CMC1: variants seen among roughly 807,000 people sequenced by gnomAD.
The protein encoded by CMC1 is C-X9-C motif containing 1.
In CMC1, 14 loss-of-function variants were observed where a neutral mutation model predicts 14.1. The observed-to-expected ratio is 0.99, with a 90% CI of 0.66 to 1.55. The LOEUF (loss-of-function observed/expected upper bound fraction) is 1.55, where lower values mean the gene tolerates loss of function less well. CMC1 is among the 40% of genes most tolerant of loss of function. The pLI, the probability that CMC1 is intolerant of heterozygous loss-of-function variation, is 0.00. For synonymous variants in CMC1, 50 were observed against 38.4 expected (o/e 1.30, Z -1.12); for missense variants, 127 against 123.8 (o/e 1.03, Z -0.12).
intron 1 of CMC1, among the ~76,000 whole-genome samples, chr3:28,251,404 A>G (rs1482923780): frequency 1.3e-5 from 2 of 152,208 alleles, no homozygotes; most frequent in Non-Finnish European, 2.9e-5. Flanking sequence ...AAAGCTGTTC[A>G]TGAGACATCT....
At chr3:28,259,153 A>G (rs1306341482) in intron 1 of CMC1, among the ~76,000 whole-genome samples, 1 of 151,300 alleles carries the variant, frequency 6.6e-6, no homozygotes, top group African/African-American at 2.4e-5. Context: ...TTTTTTAATA[A>G]TATAATAATA....
intron 1 of CMC1, among the ~76,000 whole-genome samples, chr3:28,255,722 T>TACACACACACACACACACACACAC (rs372487968): frequency 1.4e-5 from 2 of 144,356 alleles, no homozygotes; most frequent in African/African-American, 2.6e-5. Context: ...TACATGTACA[T>TACACACACACACACACACACACAC]ACACACACAC....
chr3:28,293,501 A>T (rs1180051866), intron 2 of CMC1, among the ~76,000 whole-genome samples: 1 of 152,222 alleles, frequency 6.6e-6, no homozygotes, highest in Non-Finnish European at 1.5e-5. Flanking sequence ...GTAAGATATC[A>T]AGAAGATACT....
intron 2 of CMC1, among the ~76,000 whole-genome samples, chr3:28,295,073 G>A (rs1701671026): frequency 6.6e-6 from 1 of 152,118 alleles, no homozygotes; most frequent in South Asian, 2.1e-4. Context: ...TACCTTTAGT[G>A]AATAATGTTT....
At chr3:28,301,719 G>A (rs541002565) in intron 2 of CMC1, among the ~76,000 whole-genome samples, 1 of 152,044 alleles carries the variant, frequency 6.6e-6, no homozygotes, top group Non-Finnish European at 1.5e-5. Context: ...CTATAAAGTG[G>A]GTGACAAGGA....
At chr3:28,282,837 A>G (rs772048357) in intron 2 of CMC1, among the ~76,000 whole-genome samples, 50 of 152,342 alleles carry the variant, frequency 3.3e-4, no homozygotes, top group Non-Finnish European at 5.4e-4. Context: ...AATTCAAACC[A>G]GAACGAATTT....
At chr3:28,261,927 C>T (rs555182544) in intron 1 of CMC1, among the ~76,000 whole-genome samples, 30 of 152,114 alleles carry the variant, frequency 2.0e-4, no homozygotes, top group Non-Finnish European at 3.4e-4. Context: ...TAAGTGGACC[C>T]CCACAGTTCA....
intron 2 of CMC1, among the ~76,000 whole-genome samples, chr3:28,293,373 G>C (rs1701582094): frequency 6.6e-6 from 1 of 151,682 alleles, no homozygotes; most frequent in African/African-American, 2.4e-5. Context: ...AACTTTGGCA[G>C]AACTTGGTAA....
intron 1 of CMC1, among the ~76,000 whole-genome samples, chr3:28,243,084 G>A (rs1698616227): frequency 6.6e-6 from 1 of 151,906 alleles, no homozygotes; most frequent in African/African-American, 2.4e-5. Context: ...CTGAAACGGA[G>A]TCTCACTGTC....
intron 2 of CMC1, among the ~76,000 whole-genome samples, chr3:28,308,348 T>C (rs1410818194): frequency 6.6e-6 from 1 of 152,146 alleles, no homozygotes; most frequent in Non-Finnish European, 1.5e-5. Context: ...ATATAGTAAA[T>C]GTGATGTAAT....
At chr3:28,317,190 AC>A (rs1311989895) in intron 3 of CMC1, 1 of 151,888 alleles carries the variant, frequency 6.6e-6, no homozygotes, top group Admixed American at 6.6e-5. Context: ...GAACACCCGA[AC>A]CCTACATTTT....
In CMC1 at chr3:28,323,347, C is replaced by T. The variant is rs1577116023; in HGVS notation, c.*3718C>T. The T allele has an allele frequency of 6.8e-6, 1 of 146,842 alleles. No individual in the cohort carries two copies. The allele number at this position is 146,842 out of a possible 1,614,324, so 9.1% of individuals were successfully genotyped here. On this transcript the variant is annotated 3_prime_UTR_variant, in exon 4 of 4. Transcript: ENST00000466830. ...TTGTTTACACCCCAGAGTTTTTCAA[C>T]TATTTCATTTTTTTTTTTTTTTTTC... is the stretch of plus-strand genomic sequence containing the variant.
intron 2 of CMC1, among the ~76,000 whole-genome samples, chr3:28,274,606 G>A (rs1183120501): frequency 6.6e-6 from 1 of 151,912 alleles, no homozygotes; most frequent in Non-Finnish European, 1.5e-5. Context: ...TGATCTTCTT[G>A]TGGAGTATCT....
intron 1 of CMC1, among the ~76,000 whole-genome samples, chr3:28,252,807 G>A (rs1252501222): frequency 6.6e-6 from 1 of 152,156 alleles, no homozygotes; most frequent in African/African-American, 2.4e-5. Context: ...TTTCACCTCT[G>A]TGAGCCTCCA....
In CMC1 at chr3:28,316,655, A is replaced by T. The variant is rs1398151614; in HGVS notation, c.200+232A>T. 5.0e-5 allele frequency: 16 copies of T among 320,096 alleles called. No homozygotes were observed. The East Asian group carries it at 8.0e-4, about 16-fold the overall frequency. 19.8% of individuals were successfully genotyped at this position (320,096 alleles called of 1,614,324 possible). A position where few individuals can be genotyped will look rare whatever the true frequency, so the allele number is the denominator to read the frequency against. On this transcript the variant is annotated intron_variant, in intron 3 of 3. Transcript: ENST00000466830. ...TTAAAAAGATGAAGTCAGCAGACAA[A>T]AATATATGATTTTTCACTATTTAAT...
intron 3 of CMC1, 140 bp from the exon 4 acceptor site, chr3:28,319,369 A>G: frequency 1.3e-6 from 1 of 792,890 alleles, no homozygotes; most frequent in Admixed American, 1.9e-5. Context: ...TTAACAGTGA[A>G]TTTTTAACCA....
chr3:28,256,804 T>C (rs1347774684), intron 1 of CMC1, among the ~76,000 whole-genome samples: 4 of 152,184 alleles, frequency 2.6e-5, no homozygotes, highest in Non-Finnish European at 4.4e-5. Context: ...CTTAACCACT[T>C]TTCTAAAGGA....
intron 2 of CMC1, among the ~76,000 whole-genome samples, chr3:28,303,351 G>T (rs1215395200): frequency 4.6e-5 from 7 of 152,048 alleles, no homozygotes; most frequent in African/African-American, 1.7e-4. Flanking sequence ...TTGAATTTTG[G>T]TTTTCCATCA....
At chr3:28,282,878 C>T (rs1452347059) in intron 2 of CMC1, among the ~76,000 whole-genome samples, 1 of 152,150 alleles carries the variant, frequency 6.6e-6, no homozygotes, top group Admixed American at 6.6e-5. Context: ...AGATATCTTT[C>T]CTTATTTCAG....
Sources: gnomAD v4.1 joint callset for allele counts (sites outside exome capture counted in the v4.1 genomes callset) on GRCh38, gnomAD v4.1.1 for gene constraint, MANE v1.5 for transcripts, NCBI Gene and HGNC (gene_info 2026-07-23, HGNC 2026-07-21) for gene names.